The following DOK6 variants were observed in gnomAD, a reference collection of about 807,000 sequenced individuals.
DOK6 encodes the protein docking protein 6.
DOK6 carries 22 observed loss-of-function variants against 44.0 expected under a neutral mutation model. That is an observed-to-expected ratio of 0.50 (90% confidence interval 0.36 to 0.71). The LOEUF is 0.71. DOK6 is among the 30% of genes least tolerant of loss of function. DOK6 has a pLI of 0.00. For missense variants in DOK6, 340 were observed against 416.4 expected, an observed-to-expected ratio of 0.82 and a Z score of 1.60; for synonymous variants, 166 against 145.5, an observed-to-expected ratio of 1.14 and a Z score of -1.01.
At chr18:69,755,753 T>A (rs949066814) in intron 6 of DOK6, among the ~76,000 whole-genome samples, 1 of 152,236 alleles carries the variant, frequency 6.6e-6, no homozygotes, top group Admixed American at 6.5e-5. Flanking sequence ...ACTGGAGACC[T>A]CCATTGTTGA....
intron 5 of DOK6, among the ~76,000 whole-genome samples, chr18:69,719,011 G>A (rs1986944755): frequency 1.3e-5 from 2 of 152,114 alleles, no homozygotes; most frequent in Admixed American, 1.3e-4. Context: ...AAGAAGAATA[G>A]AGCTGAAATT....
chr18:69,700,216 C>CATATATATATATATATATATATGTATAT (rs61078235), intron 5 of DOK6, among the ~76,000 whole-genome samples: 1 of 124,762 alleles, frequency 8.0e-6, no homozygotes, highest in African/African-American at 3.0e-5. Flanking sequence ...CATATATATA[C>CATATATATATATATATATATATGTATAT]ATATATATAT....
intron 7 of DOK6, among the ~76,000 whole-genome samples, chr18:69,774,064 GAT>G (rs879787037): frequency 0.029 from 3,169 of 109,616 alleles, 70 homozygotes; most frequent in Non-Finnish European, 0.045. Context: ...TATATATATA[GAT>G]ATATATATAT....
intron 1 of DOK6, among the ~76,000 whole-genome samples, chr18:69,446,788 T>G (rs1979307626): frequency 6.6e-6 from 1 of 152,226 alleles, no homozygotes; most frequent in Non-Finnish European, 1.5e-5. Context: ...GGTTTTGATT[T>G]GCATTTCTCT....
intron 1 of DOK6, among the ~76,000 whole-genome samples, chr18:69,557,250 C>T (rs939778320): frequency 3.9e-5 from 6 of 152,126 alleles, no homozygotes; most frequent in South Asian, 4.1e-4. Flanking sequence ...AAAATTCTTC[C>T]GAGTTTCTAA....
At chr18:69,559,788 A>G (rs1314729905) in intron 1 of DOK6, among the ~76,000 whole-genome samples, 4 of 152,112 alleles carry the variant, frequency 2.6e-5, no homozygotes, top group African/African-American at 9.7e-5. Flanking sequence ...CTGGTGAAGG[A>G]TTACTTCCTG....
chr18:69,426,631 T>C (rs927856528), intron 1 of DOK6, among the ~76,000 whole-genome samples: 1 of 152,152 alleles, frequency 6.6e-6, no homozygotes, highest in Non-Finnish European at 1.5e-5. Context: ...TCTACAAAGT[T>C]AGATATTCAA....
At chr18:69,599,606 G>C (rs755834292) in intron 3 of DOK6, 108 bp downstream of exon 3, 3 of 800,360 alleles carry the variant, frequency 3.7e-6, no homozygotes, top group Admixed American at 2.7e-5. Context: ...ACTGTCATGA[G>C]AATGTGCTGT....
At chr18:69,759,577 G>A (rs556574976) in intron 7 of DOK6, among the ~76,000 whole-genome samples, 21 of 152,216 alleles carry the variant, frequency 1.4e-4, no homozygotes, top group African/African-American at 4.3e-4. Flanking sequence ...TAGTATGAAG[G>A]AAACGTTTTC....
chr18:69,672,785 T>C (rs1985836347), intron 3 of DOK6, among the ~76,000 whole-genome samples: 2 of 152,098 alleles, frequency 1.3e-5, no homozygotes, highest in Admixed American at 6.5e-5. Flanking sequence ...TCACGCCAGT[T>C]TTCAAGAATG....
At chr18:69,609,639 G>A (rs991786607) in intron 3 of DOK6, among the ~76,000 whole-genome samples, 2 of 151,420 alleles carry the variant, frequency 1.3e-5, no homozygotes, top group African/African-American at 4.9e-5. Context: ...ATTAAAAGGA[G>A]AATTACCATA....
At chr18:69,528,591 G>C (rs532689285) in intron 1 of DOK6, among the ~76,000 whole-genome samples, 1 of 152,154 alleles carries the variant, frequency 6.6e-6, no homozygotes, top group Non-Finnish European at 1.5e-5. Context: ...AATTTGTATG[G>C]TGCCAGGGAA....
chr18:69,792,920 A>G (rs1184350434), intron 7 of DOK6, among the ~76,000 whole-genome samples: 1 of 152,176 alleles, frequency 6.6e-6, no homozygotes, highest in African/African-American at 2.4e-5. Flanking sequence ...ATTGAAAATT[A>G]GTAATGATCT....
intron 5 of DOK6, among the ~76,000 whole-genome samples, chr18:69,733,712 A>G (rs1050348574): frequency 1.5e-5 from 2 of 137,278 alleles, no homozygotes; most frequent in Non-Finnish European, 3.3e-5. Context: ...TCACCTGAAA[A>G]ATACTTTTCA....
chr18:69,584,264 T>G (rs980925792), intron 2 of DOK6, among the ~76,000 whole-genome samples: 8 of 152,194 alleles, frequency 5.3e-5, no homozygotes, highest in Non-Finnish European at 1.0e-4. Context: ...TTCACTTTTT[T>G]AAAATCAGGG....
chr18:69,634,736 C>G (rs1314248010), intron 3 of DOK6, among the ~76,000 whole-genome samples: 3 of 152,084 alleles, frequency 2.0e-5, no homozygotes. Context: ...AGACAGACAA[C>G]AGACAAGTAA....
intron 1 of DOK6, among the ~76,000 whole-genome samples, chr18:69,552,958 A>T (rs916060114): frequency 6.6e-6 from 1 of 152,238 alleles, no homozygotes; most frequent in African/African-American, 2.4e-5. Context: ...AATGCTAGCA[A>T]TATTTTTCTC....
At chr18:69,754,647 T>C (rs1322853123) in intron 6 of DOK6, among the ~76,000 whole-genome samples, 1 of 152,202 alleles carries the variant, frequency 6.6e-6, no homozygotes, top group Non-Finnish European at 1.5e-5. Context: ...TGGTTTCTCC[T>C]GAGGCCTCTC....
At chr18:69,634,836 C>T (rs1413802832) in intron 3 of DOK6, among the ~76,000 whole-genome samples, 4 of 152,032 alleles carry the variant, frequency 2.6e-5, no homozygotes, top group Non-Finnish European at 4.4e-5. Flanking sequence ...ATTCCTTTAC[C>T]ATATTACTGG....
Sources: gnomAD v4.1 joint callset for allele counts (sites outside exome capture counted in the v4.1 genomes callset) on GRCh38, gnomAD v4.1.1 for gene constraint, MANE v1.5 for transcripts, NCBI Gene and HGNC (gene_info 2026-07-23, HGNC 2026-07-21) for gene names.